DCAKD: variants seen among roughly 807,000 people sequenced by gnomAD.
DCAKD encodes the protein dephospho-CoA kinase domain-containing protein.
DCAKD carries 15 observed loss-of-function variants against 18.7 expected under a neutral mutation model. The observed-to-expected ratio is 0.80, with a 90% confidence interval of 0.54 to 1.24. The LOEUF (loss-of-function observed/expected upper bound fraction) is 1.24, where lower values mean the gene tolerates loss of function less well. Ranked by LOEUF, DCAKD falls within the 50% of genes most tolerant of loss-of-function variation. The probability of loss-of-function intolerance (pLI) is 0.00; values close to 1 mark genes in which losing one functional copy is unlikely to be tolerated. For synonymous variants in DCAKD, 130 were observed against 133.0 expected (o/e 0.98, Z 0.16); for missense variants, 301 against 322.0 (o/e 0.93, Z 0.50).
At chr17:45,048,426 T>C (rs944505525) in intron 1 of DCAKD, among the ~76,000 whole-genome samples, 1 of 151,868 alleles carries the variant, frequency 6.6e-6, no homozygotes, top group African/African-American at 2.4e-5. Flanking sequence ...GATCACGAGG[T>C]CAGGAGTTTG....
At chr17:45,034,712 C>G in intron 2 of DCAKD, 62 bp downstream of exon 2, 8 of 1,542,476 alleles carry the variant, frequency 5.2e-6, no homozygotes, top group Non-Finnish European at 6.2e-6. Context: ...GGAGGCATGG[C>G]AGAAGGCCGG....
chr17:45,053,178 A>T (rs1046731507), upstream of DCAKD, among the ~76,000 whole-genome samples: 3 of 107,830 alleles, frequency 2.8e-5, no homozygotes, highest in African/African-American at 8.9e-5. Flanking sequence ...TTAAAAAAAA[A>T]AAAAAAAAAA....
At chr17:45,032,675 C>T (rs538448675) in intron 3 of DCAKD, among the ~76,000 whole-genome samples, 5 of 151,204 alleles carry the variant, frequency 3.3e-5, no homozygotes, top group Non-Finnish European at 4.4e-5. Flanking sequence ...CCCAGCTACT[C>T]GGGAGGCTGA....
At position 45,034,313 on chromosome 17, in the gene DCAKD, T is replaced by C. The variant is rs377710350; in HGVS notation, c.190A>G (p.Ile64Val). The change falls in exon 3 of 5, where the codon ATA (isoleucine) becomes GTA (valine). Residue 64 changes from isoleucine (I) to valine (V), a missense_variant. Ile to Val is a conservative substitution (Grantham distance 29, BLOSUM62 3). Coordinates refer to ENST00000651974, the MANE Select transcript of DCAKD (RefSeq NM_001288655.2). ...GTEVLLENGD[I>V]NRKVLGDLIF... ...AGGTCCCCCAGGACCTTGCGATTTATGTCGCCGTTCTCCAGCAAGACCTCA... is the reference window on the plus strand; with the variant it reads ...AGGTCCCCCAGGACCTTGCGATTTACGTCGCCGTTCTCCAGCAAGACCTCA... 1 of 1,614,162 alleles carries C rather than the reference T, an allele frequency of 6.2e-7. No homozygotes were observed.
chr17:45,033,989 C>G, intron 3 of DCAKD, 198 bp downstream of exon 3: 3 of 1,590,920 alleles, frequency 1.9e-6, no homozygotes, highest in Non-Finnish European at 2.6e-6. Flanking sequence ...AAACTGTCAG[C>G]CTCCTTAAGA....
upstream of DCAKD, chr17:45,054,082 CAAG>C: frequency 1.9e-6 from 1 of 518,916 alleles, no homozygotes; most frequent in Non-Finnish European, 3.8e-6. Context: ...CTTCAACAGT[CAAG>C]GAGACCTACT....
At chr17:45,046,132 C>G (rs986400580) in intron 1 of DCAKD, among the ~76,000 whole-genome samples, 1 of 152,042 alleles carries the variant, frequency 6.6e-6, no homozygotes, top group Non-Finnish European at 1.5e-5. Context: ...CTGGCAACAT[C>G]AACTATTTTA....
upstream of DCAKD, among the ~76,000 whole-genome samples, chr17:45,055,740 A>G (rs919280518): frequency 3.9e-5 from 6 of 152,178 alleles, no homozygotes; most frequent in African/African-American, 9.7e-5. Flanking sequence ...GCACTGTGCT[A>G]GAACTGTTCT....
chr17:45,024,852 C>A, intron 4 of DCAKD, 128 bp from the exon 5 acceptor site: 8 of 1,227,336 alleles, frequency 6.5e-6, no homozygotes, highest in Non-Finnish European at 8.8e-6. Context: ...TCCAACCCTA[C>A]CCTGCTCTGG....
At chr17:45,028,744 G>A (rs563415762) in intron 4 of DCAKD, among the ~76,000 whole-genome samples, 10 of 146,436 alleles carry the variant, frequency 6.8e-5, no homozygotes, top group Admixed American at 4.2e-4. Flanking sequence ...CACTCTTGTC[G>A]CCCAGGCTGG....
chr17:45,032,565 A>T (rs1410112811), intron 3 of DCAKD, among the ~76,000 whole-genome samples: 1 of 151,728 alleles, frequency 6.6e-6, no homozygotes. Context: ...CAGGCATATC[A>T]TGAGGTCAGG....
upstream of DCAKD, among the ~76,000 whole-genome samples, chr17:45,053,647 C>T (rs1442855277): frequency 6.6e-6 from 1 of 152,220 alleles, no homozygotes; most frequent in Non-Finnish European, 1.5e-5. Context: ...TCTGGAAATC[C>T]TGACCTAGGT....
chr17:45,032,847 G>A (rs1165827091), intron 3 of DCAKD, among the ~76,000 whole-genome samples: 1 of 152,106 alleles, frequency 6.6e-6, no homozygotes, highest in South Asian at 2.1e-4. Context: ...ACTGAGAGTG[G>A]GGTGACAGGC....
chr17:45,039,285 T>C (rs1316822367), intron 1 of DCAKD, among the ~76,000 whole-genome samples: 2 of 152,212 alleles, frequency 1.3e-5, no homozygotes, highest in African/African-American at 4.8e-5. Context: ...TTTGATCACC[T>C]GTGTTCATGA....
chr17:45,057,079 T>A (rs908605718), intron 1 of DCAKD, among the ~76,000 whole-genome samples: 11 of 152,068 alleles, frequency 7.2e-5, no homozygotes, highest in African/African-American at 2.4e-4. Flanking sequence ...TTTTTCCTAT[T>A]TATATAGAGA....
rs780149596 is a variant in DCAKD at position 45,034,000 on chromosome 17, G to A, written c.316+187C>T. 2.8e-5 allele frequency: 44 copies of A among 1,593,650 alleles called. No individual in the cohort carries two copies. The South Asian group carries it at 4.8e-4, about 17-fold the overall frequency. On this transcript the variant is annotated intron_variant, in intron 3 of 4. Coordinates refer to ENST00000651974, the MANE Select transcript of DCAKD (RefSeq NM_001288655.2). ...CATTAAACTGTCAGCCTCCTTAAGA[G>A]CTGAGGGAACGTGCTTCTTTCCTCT...
intron 1 of DCAKD, among the ~76,000 whole-genome samples, chr17:45,046,614 T>TC (rs1555600768): frequency 2.1e-5 from 1 of 46,968 alleles, no homozygotes; most frequent in Non-Finnish European, 3.7e-5. Context: ...AGATTCCATC[T>TC]CAAAAAAAAA....
intron 1 of DCAKD, among the ~76,000 whole-genome samples, chr17:45,036,342 C>T (rs2143254712): frequency 6.6e-6 from 1 of 152,270 alleles, no homozygotes. Context: ...TGGTAAAACC[C>T]CGTCTCTACT....
chr17:45,028,409 C>CTTTT (rs545681429), intron 4 of DCAKD, among the ~76,000 whole-genome samples: 1 of 132,780 alleles, frequency 7.5e-6, no homozygotes, highest in Non-Finnish European at 1.6e-5. Flanking sequence ...CACACCCGGC[C>CTTTT]TTTTTTTTTT....
Sources: allele counts gnomAD v4.1 joint callset (sites outside exome capture counted in the v4.1 genomes callset), GRCh38; gene constraint gnomAD v4.1.1; transcripts MANE v1.5; gene names NCBI Gene and HGNC (gene_info 2026-07-23, HGNC 2026-07-21).